Variants in UBASH3B observed in about 807,000 individuals in gnomAD.
The protein encoded by UBASH3B is ubiquitin-associated and SH3 domain-containing protein B.
A neutral mutation model predicts 83.4 loss-of-function variants in UBASH3B; 37 were observed. The observed-to-expected ratio is 0.44, with a 90% confidence interval of 0.34 to 0.58. The LOEUF is 0.58. Among genes scored for constraint, UBASH3B ranks in the 20% least tolerant of loss-of-function variants. The probability of loss-of-function intolerance (pLI) is 0.01; values close to 1 mark genes in which losing one functional copy is unlikely to be tolerated. For missense variants in UBASH3B, 657 were observed against 827.2 expected, an observed-to-expected ratio of 0.79 and a Z score of 2.52; for synonymous variants, 304 against 318.3, an observed-to-expected ratio of 0.96 and a Z score of 0.48.
At chr11:122,670,048 C>G (rs993549035) in intron 1 of UBASH3B, among the ~76,000 whole-genome samples, 6 of 152,126 alleles carry the variant, frequency 3.9e-5, no homozygotes, top group African/African-American at 1.4e-4. Context: ...CCCGACTTGC[C>G]CATTGGTTTG....
rs570824523 is a variant in UBASH3B at position 122,704,944 on chromosome 11, C to T, written c.161+48734C>T. Among the ~76,000 whole-genome samples the T allele has an allele frequency of 3.9e-5, 6 of 152,254 alleles. No homozygotes were observed. In the South Asian group the frequency reaches 1.2e-3, roughly 32 times the overall value. On this transcript the variant is annotated intron_variant, in intron 1 of 13. Transcript: ENST00000284273. The stretch of plus-strand genomic sequence containing the variant: ...GGGGGGTTAGAAGAAAAGAAGGTCA[C>T]TCTGATAAAAAGACCTATGGTTAAA...
chr11:122,698,060 T>G (rs933732208), intron 1 of UBASH3B, among the ~76,000 whole-genome samples: 12 of 152,142 alleles, frequency 7.9e-5, no homozygotes, highest in Non-Finnish European at 1.8e-4. Context: ...GCCAGCCCTG[T>G]CCAACCCGCA....
chr11:122,794,909 C>G lies in UBASH3B; in HGVS notation c.1113+75C>G, dbSNP rs563909217. 2.6e-5 allele frequency: 41 copies of G among 1,572,518 alleles called. No homozygotes were observed. In the African/African-American group the frequency reaches 4.1e-4, roughly 16 times the overall value. ...GAGAACCTATTTATTAAGCATGAGG[C>G]CTTGCCCTTGCTGTCTCCAAAGCTT... On this transcript the variant is annotated intron_variant, in intron 7 of 13. Coordinates refer to ENST00000284273, the MANE Select transcript of UBASH3B (RefSeq NM_032873.5).
Position 122,768,914 on chromosome 11 carries a change from C to G in UBASH3B, c.162-7305C>G, listed in dbSNP as rs372726730. Among the ~76,000 whole-genome samples the G allele has an allele frequency of 2.0e-5, 3 of 152,280 alleles. No individual in the cohort carries two copies. The East Asian group carries it at 5.8e-4, about 29-fold the overall frequency. Reference sequence around the variant, plus strand: ...TTTAATCACAACGTCTAAAACCAACCCCTGTTACGGGACAACCAGAGATGA... The same window carrying G: ...TTTAATCACAACGTCTAAAACCAACGCCTGTTACGGGACAACCAGAGATGA... On this transcript the variant is annotated intron_variant, in intron 1 of 13. Coordinates refer to ENST00000284273, the MANE Select transcript of UBASH3B (RefSeq NM_032873.5).
At chr11:122,696,754 G>A (rs1370495857) in intron 1 of UBASH3B, among the ~76,000 whole-genome samples, 2 of 152,182 alleles carry the variant, frequency 1.3e-5, no homozygotes, top group African/African-American at 4.8e-5. Context: ...GGTGGCTAAT[G>A]GCCCCTGCCT....
chr11:122,757,709 C>CTTTTTT (rs781180822), intron 1 of UBASH3B, among the ~76,000 whole-genome samples: 6 of 92,114 alleles, frequency 6.5e-5, no homozygotes, highest in South Asian at 4.1e-4. Context: ...CTTCTTTTCC[C>CTTTTTT]TTTTTTTTTT....
At chr11:122,717,142 C>T (rs1232930796) in intron 1 of UBASH3B, among the ~76,000 whole-genome samples, 2 of 152,150 alleles carry the variant, frequency 1.3e-5, no homozygotes, top group South Asian at 2.1e-4. Context: ...CCTGTCCTCT[C>T]GCCCCCAGAA....
intron 13 of UBASH3B, 136 bp downstream of exon 13, chr11:122,808,312 A>G: frequency 1.3e-6 from 1 of 770,814 alleles, no homozygotes; most frequent in South Asian, 1.5e-5. Flanking sequence ...TCACTCAACC[A>G]AGATGTATTG....
At position 122,758,656 on chromosome 11, in the gene UBASH3B, T is replaced by G. The variant is rs1262328408; in HGVS notation, c.162-17563T>G. 6.6e-6 allele frequency among the ~76,000 whole-genome samples: 1 copy of G among 152,178 alleles called. No homozygotes were observed. Among genetic ancestry groups the G allele is most frequent in the Non-Finnish European group, 1.5e-5 (1 of 68,040 alleles). On this transcript the variant is annotated intron_variant, in intron 1 of 13. Transcript: ENST00000284273. This position sits in a 1 kb window ranked among gnomAD's most constrained non-coding sequence, Gnocchi z 4.2. ...GGGGACTGAGATTAGATGGGTTAGG[T>G]CTGTGCGATTATAAGTAGATGCACC...
chr11:122,794,914 C>A (rs990405659), intron 7 of UBASH3B, 80 bp downstream of exon 7: 4 of 1,565,016 alleles, frequency 2.6e-6, no homozygotes, highest in Non-Finnish European at 3.5e-6. Flanking sequence ...TGAGGCCTTG[C>A]CCTTGCTGTC....
intron 1 of UBASH3B, among the ~76,000 whole-genome samples, chr11:122,750,746 C>T (rs921584516): frequency 6.6e-6 from 1 of 152,108 alleles, no homozygotes; most frequent in Admixed American, 6.5e-5. Flanking sequence ...TTTTAAGATC[C>T]TAGTCCAAGC....
intron 1 of UBASH3B, among the ~76,000 whole-genome samples, chr11:122,731,107 AC>A (rs1325254549): frequency 6.6e-6 from 1 of 152,210 alleles, no homozygotes; most frequent in Non-Finnish European, 1.5e-5. Context: ...CGCAGAGAGC[AC>A]CAGACCCAAT....
In UBASH3B at chr11:122,688,559, C is replaced by A. The variant is rs1345045101; in HGVS notation, c.161+32349C>A. ...CTCCCAGGTTCACGCCATTCTCCTG[C>A]CTCAGCCTCCCGAGTAAGCTGGGAC... On this transcript the variant is annotated intron_variant, in intron 1 of 13. Coordinates refer to ENST00000284273, the MANE Select transcript of UBASH3B (RefSeq NM_032873.5). 4.6e-5 allele frequency among the ~76,000 whole-genome samples: 7 copies of A among 151,660 alleles called. No individual in the cohort carries two copies. The East Asian group carries it at 1.2e-3, about 25-fold the overall frequency.
chr11:122,807,933 A>T, intron 12 of UBASH3B, 134 bp from the exon 13 acceptor site: 1 of 719,986 alleles, frequency 1.4e-6, no homozygotes, highest in Non-Finnish European at 2.5e-6. Context: ...AAGCACTTTC[A>T]AAATATTGCT....
At chr11:122,680,379 G>A (rs1303863187) in intron 1 of UBASH3B, among the ~76,000 whole-genome samples, 1 of 152,248 alleles carries the variant, frequency 6.6e-6, no homozygotes, top group Non-Finnish European at 1.5e-5. Context: ...GACTCAGAGT[G>A]GGACAGTGAC....
rs879565637 is a variant in UBASH3B at position 122,810,300 on chromosome 11, ATT to A, written c.*426_*427del. On this transcript the variant is annotated 3_prime_UTR_variant, in exon 14 of 14. Coordinates refer to ENST00000284273, the MANE Select transcript of UBASH3B (RefSeq NM_032873.5). Reference sequence around the variant, plus strand: ...ATTGAAAGGACAGCTTGGGGATGGAATTTTTTTTTTTTTATCTCCATTTTCCA... The same window carrying A: ...ATTGAAAGGACAGCTTGGGGATGGAATTTTTTTTTTTATCTCCATTTTCCA... 6 of 149,570 alleles carry A rather than the reference ATT, an allele frequency of 4.0e-5. No individual in the cohort carries two copies. Among genetic ancestry groups the A allele is most frequent in the South Asian group, 2.1e-4 (1 of 4,730 alleles). 9.3% of individuals were successfully genotyped at this position (149,570 alleles called of 1,614,324 possible).
At chr11:122,661,906 C>CTTT (rs34060053) in intron 1 of UBASH3B, among the ~76,000 whole-genome samples, 2 of 113,186 alleles carry the variant, frequency 1.8e-5, no homozygotes, top group South Asian at 2.9e-4. Flanking sequence ...TGCTTTTTTT[C>CTTT]TTTTTTTTTT....
At chr11:122,676,144 G>C (rs1003457595) in intron 1 of UBASH3B, among the ~76,000 whole-genome samples, 1 of 152,150 alleles carries the variant, frequency 6.6e-6, no homozygotes, top group African/African-American at 2.4e-5. Context: ...GCTCAGGCCT[G>C]TAATCCCAAC....
intron 1 of UBASH3B, among the ~76,000 whole-genome samples, chr11:122,711,617 C>T (rs940594403): frequency 6.6e-6 from 1 of 152,214 alleles, no homozygotes; most frequent in Non-Finnish European, 1.5e-5. Flanking sequence ...TTCAGCCTGG[C>T]CTTGGCCTCA....
Sources: allele counts gnomAD v4.1 joint callset (sites outside exome capture counted in the v4.1 genomes callset), GRCh38; gene constraint gnomAD v4.1.1; non-coding constraint Gnocchi (gnomAD v3.1); transcripts MANE v1.5; gene names NCBI Gene and HGNC (gene_info 2026-07-23, HGNC 2026-07-21).